The following SCAPER variants were observed in gnomAD, a reference collection of about 807,000 sequenced individuals.
SCAPER encodes the protein S-phase cyclin A associated protein in the ER.
Under a neutral mutation model 182.2 loss-of-function variants are expected in SCAPER, and 98 were observed. That is an observed-to-expected ratio of 0.54 (90% CI 0.46 to 0.64). The LOEUF (loss-of-function observed/expected upper bound fraction) is 0.64, where lower values mean the gene tolerates loss of function less well. Among genes scored for constraint, SCAPER ranks in the 30% least tolerant of loss-of-function variants. The pLI, the probability that SCAPER is intolerant of heterozygous loss-of-function variation, is 0.00. For missense variants in SCAPER, 1,432 were observed against 1,690.0 expected (o/e 0.85, Z 2.68); for synonymous variants, 605 against 564.6 (o/e 1.07, Z -1.01).
chr15:76,811,545 G>C (rs1261750483), intron 5 of SCAPER, among the ~76,000 whole-genome samples: 2 of 152,086 alleles, frequency 1.3e-5, no homozygotes, highest in African/African-American at 4.8e-5. Flanking sequence ...AATCCCAGCA[G>C]TTTGGGAGGC....
chr15:76,749,213 A>G (rs2061962911), intron 15 of SCAPER, among the ~76,000 whole-genome samples: 1 of 152,110 alleles, frequency 6.6e-6, no homozygotes, highest in African/African-American at 2.4e-5. Context: ...ATATTTGAAA[A>G]TCAAGCAGTG....
chr15:76,397,410 T>G (rs8023486), intron 27 of SCAPER, among the ~76,000 whole-genome samples: 33,840 of 151,492 alleles, frequency 0.22, 3,977 homozygotes, highest in Middle Eastern at 0.32. Context: ...TTAGTTGTTC[T>G]TTAAATGTTT....
chr15:76,639,796 A>G (rs1278567737), intron 21 of SCAPER, among the ~76,000 whole-genome samples: 1 of 151,852 alleles, frequency 6.6e-6, no homozygotes, highest in East Asian at 1.9e-4. Flanking sequence ...ACAAAACTAT[A>G]CCACTTAAAA....
chr15:76,432,227 G>A (rs1300254353), intron 26 of SCAPER, among the ~76,000 whole-genome samples: 5 of 152,210 alleles, frequency 3.3e-5, no homozygotes, highest in Non-Finnish European at 1.5e-5. Context: ...AAAGGACATG[G>A]GGAATTGAAT....
chr15:76,607,574 A>G (rs1006323494), intron 22 of SCAPER, among the ~76,000 whole-genome samples: 3 of 152,110 alleles, frequency 2.0e-5, no homozygotes, highest in Non-Finnish European at 1.5e-5. Context: ...GCCTTGCTAG[A>G]TTGGGGAAGT....
chr15:76,530,965 G>GTATATATACGTATATATGAA (rs2043611087), intron 23 of SCAPER, among the ~76,000 whole-genome samples: 2 of 150,748 alleles, frequency 1.3e-5, no homozygotes, highest in Non-Finnish European at 3.0e-5. Context: ...GTATATATGT[G>GTATATATACGTATATATGAA]TATATATACG....
intron 23 of SCAPER, among the ~76,000 whole-genome samples, chr15:76,541,116 T>C (rs2044712660): frequency 6.6e-6 from 1 of 150,854 alleles, no homozygotes; most frequent in Non-Finnish European, 1.5e-5. Context: ...CAAGACTCCG[T>C]CTCAAAAAAA....
chr15:76,441,636 C>A (rs528319054), intron 25 of SCAPER, among the ~76,000 whole-genome samples: 1 of 152,266 alleles, frequency 6.6e-6, no homozygotes, highest in East Asian at 1.9e-4. Flanking sequence ...CCCAGGTAAC[C>A]TCATGACTAA....
intron 8 of SCAPER, among the ~76,000 whole-genome samples, chr15:76,778,640 T>G (rs1048904383): frequency 3.5e-5 from 5 of 144,204 alleles, no homozygotes; most frequent in African/African-American, 1.1e-4. Flanking sequence ...TAAGTGTGAG[T>G]GTATGTGTGT....
intron 17 of SCAPER, among the ~76,000 whole-genome samples, chr15:76,725,672 T>G (rs280036): frequency 2.0e-5 from 3 of 151,966 alleles, no homozygotes; most frequent in African/African-American, 7.3e-5. Flanking sequence ...AACAGAACAG[T>G]GAGCCAAGAA....
At chr15:76,596,326 CAAAA>C (rs34691848) in intron 22 of SCAPER, among the ~76,000 whole-genome samples, 1 of 75,366 alleles carries the variant, frequency 1.3e-5, no homozygotes, top group African/African-American at 3.5e-5. Context: ...GCCTACCAAC[CAAAA>C]AAAAAAAAAA....
chr15:76,773,663 C>A (rs578077978), intron 9 of SCAPER, among the ~76,000 whole-genome samples: 1 of 151,946 alleles, frequency 6.6e-6, no homozygotes, highest in South Asian at 2.1e-4. Context: ...AAAACCAATA[C>A]ACATTAAAGA....
At chr15:76,813,341 A>G (rs2066819974) in intron 5 of SCAPER, among the ~76,000 whole-genome samples, 2 of 152,020 alleles carry the variant, frequency 1.3e-5, no homozygotes, top group South Asian at 2.1e-4. Flanking sequence ...ATCATAATCA[A>G]CAGTGATCAA....
chr15:76,601,031 G>GA lies in SCAPER; in HGVS notation c.2711+20732dup, dbSNP rs1164457947. ...TCTAATACTAGCAACAAAAACCGAA[G>GA]AAAAAATGTATTGAGAATTAAAGAA... is the stretch of plus-strand genomic sequence containing the variant. On this transcript the variant is annotated intron_variant, in intron 22 of 31. Coordinates refer to ENST00000563290, the MANE Select transcript of SCAPER (RefSeq NM_020843.4). Among the ~76,000 whole-genome samples the GA allele has an allele frequency of 1.7e-5, 2 of 120,638 alleles. 1 individual carries two copies. The highest frequency in any genetic ancestry group is 4.0e-5 in the Non-Finnish European group (2 of 49,690). 79.1% of individuals were successfully genotyped at this position (120,638 alleles called of 152,430 possible).
intron 23 of SCAPER, among the ~76,000 whole-genome samples, chr15:76,546,804 T>C (rs575807356): frequency 2.0e-5 from 3 of 152,290 alleles, no homozygotes; most frequent in Admixed American, 1.3e-4. Context: ...TTGTTTATCA[T>C]CATATCCTCA....
At chr15:76,519,071 T>A (rs988448363) in intron 23 of SCAPER, among the ~76,000 whole-genome samples, 1 of 151,930 alleles carries the variant, frequency 6.6e-6, no homozygotes, top group African/African-American at 2.4e-5. Context: ...CTCAGAAGAG[T>A]CGTTAAGCCT....
Position 76,689,155 on chromosome 15 carries a change from CTCTT to C in SCAPER, c.2508+12599_2508+12602del, listed in dbSNP as rs202095488. ...GAGCCACCGCACCCAGCCCAAATGC[CTCTT>C]TCTTAAAAAGGAAAAAAAATGAAAA... On this transcript the variant is annotated intron_variant, in intron 20 of 31. Transcript: ENST00000563290. 6.7e-3 allele frequency among the ~76,000 whole-genome samples: 1,025 copies of C among 151,974 alleles called. 15 individuals are homozygous for C. The highest frequency in any genetic ancestry group is 0.023 in the African/African-American group (940 of 41,470).
In SCAPER at chr15:76,439,067, A is replaced by G. The variant is rs111578750; in HGVS notation, c.3079-4757T>C. 8.2e-3 allele frequency among the ~76,000 whole-genome samples: 1,251 copies of G among 152,122 alleles called. 17 individuals carry two copies. The highest frequency in any genetic ancestry group is 0.029 in the African/African-American group (1,191 of 41,536). ...CCAGAATTAAGGTAAGGAGGGGCTC[A>G]TCTTCAGTGAGACAAAATGATTTTT... On this transcript the variant is annotated intron_variant, in intron 25 of 31. Coordinates refer to ENST00000563290, the MANE Select transcript of SCAPER (RefSeq NM_020843.4).
intron 22 of SCAPER, among the ~76,000 whole-genome samples, chr15:76,588,791 A>AT (rs976628329): frequency 2.6e-4 from 39 of 152,082 alleles, no homozygotes; most frequent in Non-Finnish European, 4.9e-4. Flanking sequence ...GGCTAGTGTG[A>AT]TTTTTGGGGG....
Sources: gnomAD v4.1 joint callset for allele counts (sites outside exome capture counted in the v4.1 genomes callset) on GRCh38, gnomAD v4.1.1 for gene constraint, MANE v1.5 for transcripts, NCBI Gene and HGNC (gene_info 2026-07-23, HGNC 2026-07-21) for gene names.